Variants in UBTD2 observed in about 807,000 individuals in gnomAD.
The protein encoded by UBTD2 is ubiquitin domain-containing protein 2.
In UBTD2, 9 loss-of-function variants were observed where a neutral mutation model predicts 19.8. The ratio of observed to expected loss-of-function variants is 0.46; its 90% CI spans 0.27 to 0.79. The LOEUF is 0.79. UBTD2 is among the 30% of genes least tolerant of loss of function. The probability of loss-of-function intolerance (pLI) is 0.14; values close to 1 mark genes in which losing one functional copy is unlikely to be tolerated. For missense variants in UBTD2, 250 were observed against 300.4 expected (o/e 0.83, Z 1.24); for synonymous variants, 98 against 103.9 (o/e 0.94, Z 0.35).
chr5:172,221,133 G>A (rs1771642106), intron 2 of UBTD2, among the ~76,000 whole-genome samples: 1 of 152,174 alleles, frequency 6.6e-6, no homozygotes, highest in Admixed American at 6.5e-5. Context: ...CATGTTCATG[G>A]ATAGGAAGAC....
intron 1 of UBTD2, among the ~76,000 whole-genome samples, chr5:172,272,640 T>C (rs1209537345): frequency 6.6e-6 from 1 of 152,216 alleles, no homozygotes; most frequent in East Asian, 1.9e-4. Flanking sequence ...AATTCATCAA[T>C]GTAAAGGCAA....
At chr5:172,262,457 A>C (rs1219284392) in intron 1 of UBTD2, among the ~76,000 whole-genome samples, 3 of 151,144 alleles carry the variant, frequency 2.0e-5, no homozygotes, top group South Asian at 2.1e-4. Flanking sequence ...AAAAAAAAAA[A>C]AAAAAAAAAA....
intron 1 of UBTD2, among the ~76,000 whole-genome samples, chr5:172,276,220 TGTTGTA>T (rs1442167456): frequency 4.6e-5 from 7 of 150,952 alleles, no homozygotes; most frequent in African/African-American, 1.7e-4. Flanking sequence ...TTTTTTTCCC[TGTTGTA>T]ATCCCAGTAA....
chr5:172,219,504 C>G (rs920126141), intron 2 of UBTD2, among the ~76,000 whole-genome samples: 2 of 152,176 alleles, frequency 1.3e-5, no homozygotes, highest in African/African-American at 4.8e-5. Context: ...CCATTAATCA[C>G]TTAGTAGCCA....
intron 1 of UBTD2, among the ~76,000 whole-genome samples, chr5:172,236,508 A>G (rs761574303): frequency 3.9e-5 from 6 of 152,254 alleles, no homozygotes; most frequent in Admixed American, 6.5e-5. Context: ...GAAGATGTTC[A>G]GAATCTGGTC....
chr5:172,277,262 T>C (rs1217449413), intron 1 of UBTD2, among the ~76,000 whole-genome samples: 1 of 152,092 alleles, frequency 6.6e-6, no homozygotes, highest in Non-Finnish European at 1.5e-5. Context: ...CCACTTCTTG[T>C]TGAGAAAGCA....
At chr5:172,233,729 ACT>A (rs1221833431) in intron 2 of UBTD2, among the ~76,000 whole-genome samples, 2 of 145,924 alleles carry the variant, frequency 1.4e-5, no homozygotes, top group African/African-American at 5.1e-5. Context: ...CTAAACTGAG[ACT>A]CTATCTCTAG....
intron 1 of UBTD2, among the ~76,000 whole-genome samples, chr5:172,275,035 C>CA (rs71333589): frequency 4.6e-4 from 70 of 152,246 alleles, no homozygotes; most frequent in African/African-American, 1.5e-3. Context: ...GACTCCGTCT[C>CA]AAAAACAAAG....
In UBTD2 at chr5:172,283,742, G is replaced by A; in HGVS notation, c.-77C>T. On this transcript the variant is annotated 5_prime_UTR_variant, in exon 1 of 3. Transcript: ENST00000393792. The surrounding 1 kb of genome is among the most constrained non-coding windows in gnomAD (Gnocchi z 4.3). Reference sequence around the variant, plus strand: ...CGCCGCCGCCGCTGCAGCCTCCTCCGGCGCCACCGCCGAGCTCCGGACAGG... The same window carrying A: ...CGCCGCCGCCGCTGCAGCCTCCTCCAGCGCCACCGCCGAGCTCCGGACAGG... 2 of 1,073,500 alleles carry A rather than the reference G, an allele frequency of 1.9e-6. No individual in the cohort carries two copies. The highest frequency in any genetic ancestry group is 3.7e-4 in the Middle Eastern group (1 of 2,702). The allele number at this position is 1,073,500 out of a possible 1,614,324, so 66.5% of individuals were successfully genotyped here. A position where few individuals can be genotyped will look rare whatever the true frequency, so the allele number is the denominator to read the frequency against.
Position 172,210,749 on chromosome 5 carries a change from T to C in UBTD2, c.*1081A>G, listed in dbSNP as rs904155222. ...AGTAAATCTTTCACACTTAAAAATT[T>C]TGAGTTGAAATTTCCTCTAAAAGAC... On this transcript the variant is annotated 3_prime_UTR_variant, in exon 3 of 3. Transcript: ENST00000393792. 5 of 152,136 alleles carry C rather than the reference T, an allele frequency of 3.3e-5. No individual in the cohort carries two copies. Among genetic ancestry groups the C allele is most frequent in the African/African-American group, 1.2e-4 (5 of 41,434 alleles). 9.4% of individuals were successfully genotyped at this position (152,136 alleles called of 1,614,324 possible).
chr5:172,261,779 C>T (rs1345602872), intron 1 of UBTD2, among the ~76,000 whole-genome samples: 2 of 152,126 alleles, frequency 1.3e-5, no homozygotes, highest in Non-Finnish European at 2.9e-5. Context: ...CATGCGCCTC[C>T]ACATCCAGCT....
In UBTD2 at chr5:172,256,836, G is replaced by A. The variant is rs147677391; in HGVS notation, c.71-22478C>T. Among the ~76,000 whole-genome samples the A allele has an allele frequency of 8.8e-3, 1,335 of 152,140 alleles. 27 individuals carry two copies. The highest frequency in any genetic ancestry group is 0.029 in the African/African-American group (1,206 of 41,512). ...CTTGGGAGGCTGAGGCAGGAGAATC[G>A]CTTGAACCCCGCAGGTGGTTGCAGT... On this transcript the variant is annotated intron_variant, in intron 1 of 2. Coordinates refer to ENST00000393792, the MANE Select transcript of UBTD2 (RefSeq NM_152277.3).
At chr5:172,242,533 A>ATT in intron 1 of UBTD2, 1 of 588,124 alleles carries the variant, frequency 1.7e-6, no homozygotes, top group Non-Finnish European at 2.1e-6. Context: ...ATTAACCTAT[A>ATT]AATAGGAAGT....
At position 172,265,468 on chromosome 5, in the gene UBTD2, G is replaced by T. The variant is rs1054771943; in HGVS notation, c.70+18128C>A. ...TCCTGCCTCAGCCTCCCGAGTAGCT[G>T]GGACTACAGGCGCCCACCACCCCGG... On this transcript the variant is annotated intron_variant, in intron 1 of 2. Transcript: ENST00000393792. Among the ~76,000 whole-genome samples the T allele has an allele frequency of 2.0e-5, 3 of 152,202 alleles. No homozygotes were observed. The East Asian group carries it at 5.8e-4, about 29-fold the overall frequency.
chr5:172,212,029 C>T lies in UBTD2; in HGVS notation c.506G>A (p.Arg169His), dbSNP rs1388347246. ...CATGTGGAATACTGTGTCTGTGCTG[C>T]GAACCACAAGCTTGAGGTCTTTGCC... ...STGKDLKLVV[R>H]STDTVFHMKR... Residue 169 changes from arginine to histidine, a missense_variant, in exon 3 of 3, where the codon CGC (arginine) becomes CAC (histidine). Arg to His is a conservative substitution (Grantham distance 29). Coordinates refer to ENST00000393792, the MANE Select transcript of UBTD2 (RefSeq NM_152277.3). 14 of 1,614,104 alleles carry T rather than the reference C, an allele frequency of 8.7e-6. No individual in the cohort carries two copies. The highest frequency in any genetic ancestry group is 1.3e-5 in the African/African-American group (1 of 74,944).
At chr5:172,251,672 C>T (rs1309940728) in intron 1 of UBTD2, among the ~76,000 whole-genome samples, 2 of 151,422 alleles carry the variant, frequency 1.3e-5, no homozygotes, top group African/African-American at 4.9e-5. Context: ...ACCAGCAAAG[C>T]TGTTCTTCAG....
At chr5:172,229,196 A>T (rs1464333184) in intron 2 of UBTD2, among the ~76,000 whole-genome samples, 4 of 152,044 alleles carry the variant, frequency 2.6e-5, no homozygotes, top group Non-Finnish European at 4.4e-5. Context: ...CATCTATTCA[A>T]GGAGGTTAAG....
intron 2 of UBTD2, among the ~76,000 whole-genome samples, chr5:172,229,730 G>A (rs1771852479): frequency 2.0e-5 from 3 of 152,136 alleles, no homozygotes; most frequent in South Asian, 4.1e-4. Context: ...AGCATTAAGT[G>A]TTCATCTTTA....
At chr5:172,279,367 T>C (rs572058746) in intron 1 of UBTD2, among the ~76,000 whole-genome samples, 14 of 152,366 alleles carry the variant, frequency 9.2e-5, no homozygotes, top group South Asian at 2.1e-4. Flanking sequence ...TAATAAATAC[T>C]GGATAAATGG....
Sources: gnomAD v4.1 joint callset for allele counts (sites outside exome capture counted in the v4.1 genomes callset) on GRCh38, gnomAD v4.1.1 for gene constraint, Gnocchi (gnomAD v3.1) non-coding constraint, MANE v1.5 for transcripts, NCBI Gene and HGNC (gene_info 2026-07-23, HGNC 2026-07-21) for gene names.